TMEM267: variants seen among roughly 807,000 people sequenced by gnomAD.
TMEM267 encodes the protein transmembrane protein 267.
TMEM267 carries 20 observed loss-of-function variants against 19.3 expected under a neutral mutation model. The ratio of observed to expected loss-of-function variants is 1.04; its 90% CI spans 0.73 to 1.51. The LOEUF (loss-of-function observed/expected upper bound fraction) is 1.51. TMEM267 is among the 40% of genes most tolerant of loss of function. The probability of loss-of-function intolerance (pLI) is 0.00; values close to 1 mark genes in which losing one functional copy is unlikely to be tolerated. For missense variants in TMEM267, 242 were observed against 261.9 expected (o/e 0.92, Z 0.52); for synonymous variants, 88 against 90.3 (o/e 0.97, Z 0.15).
intron 1 of TMEM267, among the ~76,000 whole-genome samples, chr5:43,480,439 G>A (rs1168830789): frequency 6.6e-6 from 1 of 151,922 alleles, no homozygotes; most frequent in Non-Finnish European, 1.5e-5. Flanking sequence ...TCAGTCTCCT[G>A]AGTAGCTGGG....
At chr5:43,465,962 A>T in intron 1 of TMEM267, among the ~76,000 whole-genome samples, 1 of 89,494 alleles carries the variant, frequency 1.1e-5, no homozygotes, top group East Asian at 2.0e-4. Flanking sequence ...AATAATAATA[A>T]AATTTAAAAA....
intron 1 of TMEM267, among the ~76,000 whole-genome samples, chr5:43,462,065 C>A (rs1484933789): frequency 1.3e-5 from 2 of 152,062 alleles, no homozygotes; most frequent in Admixed American, 6.6e-5. Context: ...GTTACTTCAC[C>A]CTAGCTTTAG....
chr5:43,454,862 T>C (rs1029053660), intron 1 of TMEM267, among the ~76,000 whole-genome samples: 3 of 152,238 alleles, frequency 2.0e-5, no homozygotes, highest in African/African-American at 7.2e-5. Context: ...GCACAGAATA[T>C]TGACATTATT....
intron 1 of TMEM267, among the ~76,000 whole-genome samples, chr5:43,474,450 T>C (rs1744286347): frequency 1.3e-5 from 2 of 152,120 alleles, no homozygotes; most frequent in Admixed American, 6.5e-5. Flanking sequence ...GTGAAGGATA[T>C]GAACAGACAC....
chr5:43,465,725 G>A (rs182964609), intron 1 of TMEM267, among the ~76,000 whole-genome samples: 82 of 152,134 alleles, frequency 5.4e-4, no homozygotes, highest in Admixed American at 9.8e-4. Flanking sequence ...AACACTGCAC[G>A]TTCTCACTCA....
At chr5:43,450,258 T>C (rs1315126357) in intron 2 of TMEM267, among the ~76,000 whole-genome samples, 1 of 152,158 alleles carries the variant, frequency 6.6e-6, no homozygotes, top group Non-Finnish European at 1.5e-5. Context: ...CCTCACAGTG[T>C]TGGGGTTACA....
At position 43,446,275 on chromosome 5, in the gene TMEM267, T is replaced by C; in HGVS notation, c.595A>G (p.Thr199Ala). 6.2e-7 allele frequency: 1 copy of C among 1,613,942 alleles called. No individual in the cohort carries two copies. The highest frequency in any genetic ancestry group is 8.5e-7 in the Non-Finnish European group (1 of 1,179,812). The part of the protein sequence containing the change: ...PHICSFVMYL[T>A]GTRQMMSSKH... ...GAAGACATCATTTGTCTGGTTCCTG[T>C]TAAATACATAACGAATGAACAGATG... The change falls in exon 3 of 3, where the codon ACA becomes GCA. Residue 199 changes from threonine to alanine, a missense_variant. Physicochemically the swap from Thr to Ala is moderately conservative, Grantham distance 58. Coordinates refer to ENST00000397080, the MANE Select transcript of TMEM267 (RefSeq NM_022483.5).
intron 1 of TMEM267, among the ~76,000 whole-genome samples, chr5:43,480,235 T>C (rs1744677397): frequency 6.6e-6 from 1 of 152,218 alleles, no homozygotes; most frequent in South Asian, 2.1e-4. Flanking sequence ...GAGAAGAACC[T>C]AGGCTGGGCA....
At chr5:43,463,356 AG>A (rs1342963820) in intron 1 of TMEM267, among the ~76,000 whole-genome samples, 1 of 152,214 alleles carries the variant, frequency 6.6e-6, no homozygotes, top group African/African-American at 2.4e-5. Flanking sequence ...ATTCTACCAG[AG>A]GTACAAGGAG....
At chr5:43,458,828 A>C (rs1467767046) in intron 1 of TMEM267, among the ~76,000 whole-genome samples, 1 of 152,226 alleles carries the variant, frequency 6.6e-6, no homozygotes, top group Admixed American at 6.5e-5. Context: ...TGCAAAGTCT[A>C]CTATGCACTG....
At chr5:43,457,276 G>A (rs1023807763) in intron 1 of TMEM267, among the ~76,000 whole-genome samples, 29 of 152,120 alleles carry the variant, frequency 1.9e-4, no homozygotes, top group Middle Eastern at 3.4e-3. Context: ...CAGGGCAAAG[G>A]GCATCTATAA....
upstream of TMEM267, chr5:43,483,914 G>A (rs1345656173): frequency 6.6e-6 from 1 of 152,218 alleles, no homozygotes; most frequent in Non-Finnish European, 1.5e-5. Context: ...GGCCAGAGTG[G>A]CCTCAGACCG....
chr5:43,469,748 T>C (rs1233259055), intron 1 of TMEM267, among the ~76,000 whole-genome samples: 1 of 152,204 alleles, frequency 6.6e-6, no homozygotes, highest in African/African-American at 2.4e-5. Flanking sequence ...CTGCCTCCTA[T>C]TTTATTCTCA....
intron 1 of TMEM267, among the ~76,000 whole-genome samples, chr5:43,459,957 T>C (rs1743162141): frequency 6.6e-6 from 1 of 152,202 alleles, no homozygotes; most frequent in Non-Finnish European, 1.5e-5. Context: ...ATTACACAAC[T>C]CAACATAATG....
chr5:43,446,415 C>A lies in TMEM267; in HGVS notation c.455G>T (p.Trp152Leu). The A allele has an allele frequency of 6.2e-7, 1 of 1,614,024 alleles. No homozygotes were observed. Among genetic ancestry groups the A allele is most frequent in the Non-Finnish European group, 8.5e-7 (1 of 1,179,972 alleles). Reference sequence around the variant, plus strand: ...CCCATCTCGGATATGATGTGAAGTCCAGGATATAAATAACATCCAGGGAAG... The same window carrying A: ...CCCATCTCGGATATGATGTGAAGTCAAGGATATAAATAACATCCAGGGAAG... ...CFLPWMLFIS[W>L]TSHHIRDGIR... Residue 152 changes from tryptophan to leucine, a missense_variant, in exon 3 of 3, where the codon TGG becomes TTG. Coordinates refer to ENST00000397080, the MANE Select transcript of TMEM267 (RefSeq NM_022483.5).
intron 2 of TMEM267, among the ~76,000 whole-genome samples, chr5:43,451,093 G>A (rs917533217): frequency 6.6e-6 from 1 of 151,974 alleles, no homozygotes; most frequent in African/African-American, 2.4e-5. Flanking sequence ...CCAAAGTGCT[G>A]GGAGATTACA....
chr5:43,453,478 A>C (rs978975411), intron 2 of TMEM267, among the ~76,000 whole-genome samples, 180 bp downstream of exon 2: 1 of 152,214 alleles, frequency 6.6e-6, no homozygotes. Context: ...ATGGCAAATA[A>C]TTTGATTAGC....
intron 1 of TMEM267, chr5:43,476,199 C>T (rs1034743525): frequency 3.3e-5 from 5 of 152,286 alleles, no homozygotes; most frequent in African/African-American, 1.2e-4. Flanking sequence ...CCTGGGCCCA[C>T]AAGTGCAGCT....
chr5:43,465,887 T>A (rs1255658596), intron 1 of TMEM267, among the ~76,000 whole-genome samples: 6 of 151,366 alleles, frequency 4.0e-5, no homozygotes, highest in African/African-American at 1.2e-4. Flanking sequence ...CACACCAACA[T>A]GGCACATGTA....
Sources: gnomAD v4.1 joint callset for allele counts (sites outside exome capture counted in the v4.1 genomes callset) on GRCh38, gnomAD v4.1.1 for gene constraint, MANE v1.5 for transcripts, NCBI Gene and HGNC (gene_info 2026-07-23, HGNC 2026-07-21) for gene names.